Variants in SMIM7 observed in about 807,000 individuals in gnomAD.
SMIM7 encodes the protein UPF0608 protein C19orf42.
In SMIM7, 12 loss-of-function variants were observed where a neutral mutation model predicts 13.3. The observed-to-expected ratio is 0.90, with a 90% CI of 0.58 to 1.46. The LOEUF is 1.46. SMIM7 is among the 40% of genes most tolerant of loss of function. The probability of loss-of-function intolerance (pLI) is 0.00; values close to 1 mark genes in which losing one functional copy is unlikely to be tolerated. For missense variants in SMIM7, 114 were observed against 94.8 expected, an observed-to-expected ratio of 1.20 and a Z score of -0.84; for synonymous variants, 36 against 35.8, an observed-to-expected ratio of 1.01 and a Z score of -0.02.
At chr19:16,647,691 A>G (rs1331086134) in intron 4 of SMIM7, among the ~76,000 whole-genome samples, 1 of 151,980 alleles carries the variant, frequency 6.6e-6, no homozygotes, top group African/African-American at 2.4e-5. Context: ...CCTGACCTCA[A>G]GTGATCCACC....
At chr19:16,659,159 T>A (rs768669493) in intron 3 of SMIM7, 2 of 585,754 alleles carry the variant, frequency 3.4e-6, no homozygotes, top group Non-Finnish European at 6.1e-6. Context: ...GGCACACACC[T>A]GTAATCCCAG....
chr19:16,658,988 C>A (rs182119846), intron 3 of SMIM7, among the ~76,000 whole-genome samples: 1 of 152,168 alleles, frequency 6.6e-6, no homozygotes, highest in Admixed American at 6.6e-5. Context: ...CCCACTCACA[C>A]ACACGCTCAA....
At chr19:16,641,911 G>A (rs534611091), downstream of SMIM7, among the ~76,000 whole-genome samples, 17 of 152,288 alleles carry the variant, frequency 1.1e-4, no homozygotes, top group East Asian at 1.4e-3. Context: ...AAAACAAGCC[G>A]TGGGCCAGAC....
intron 3 of SMIM7, chr19:16,655,224 T>C (rs184243760): frequency 6.1e-4 from 255 of 414,942 alleles, no homozygotes; most frequent in Non-Finnish European, 9.3e-4. Flanking sequence ...AGGTGTTTCT[T>C]GGTGATGACT....
Position 16,646,848 on chromosome 19 carries a change from C to A in SMIM7, c.*398G>T, listed in dbSNP as rs112326617. On this transcript the variant is annotated 3_prime_UTR_variant, in exon 5 of 5. Transcript: ENST00000487416. The stretch of plus-strand genomic sequence containing the variant: ...TGTTAACAGGGCCCCTGGCCGGGCC[C>A]AGAGGCTGTCAGACTCAGCAAGTAA... The A allele has an allele frequency of 5.1e-5, 13 of 253,574 alleles. No individual in the cohort carries two copies. Among genetic ancestry groups the A allele is most frequent in the African/African-American group, 2.9e-4 (13 of 44,120 alleles). 15.7% of individuals were successfully genotyped at this position (253,574 alleles called of 1,614,324 possible).
intron 1 of SMIM7, 35 bp downstream of exon 1, chr19:16,660,050 G>A: frequency 6.2e-7 from 1 of 1,614,152 alleles, no homozygotes; most frequent in Non-Finnish European, 8.5e-7. Flanking sequence ...GTCCTGCCTG[G>A]CTCTCTCTTC....
chr19:16,642,043 G>A (rs1408701499), downstream of SMIM7, among the ~76,000 whole-genome samples: 2 of 152,178 alleles, frequency 1.3e-5, no homozygotes, highest in African/African-American at 4.8e-5. Flanking sequence ...AGCAAAATGG[G>A]TTCCAACATG....
At chr19:16,650,868 A>C (rs2086515806) in intron 4 of SMIM7, among the ~76,000 whole-genome samples, 1 of 152,148 alleles carries the variant, frequency 6.6e-6, no homozygotes, top group Non-Finnish European at 1.5e-5. Context: ...CCCATACTTA[A>C]GGCACTCATT....
chr19:16,659,710 G>T (rs1283257889), intron 2 of SMIM7: 2 of 652,396 alleles, frequency 3.1e-6, no homozygotes, highest in Non-Finnish European at 5.3e-6. Context: ...CTATTTCTTG[G>T]GGGATGGGGC....
chr19:16,647,905 G>A (rs999751917), intron 4 of SMIM7, among the ~76,000 whole-genome samples: 7 of 152,130 alleles, frequency 4.6e-5, no homozygotes, highest in Admixed American at 2.6e-4. Context: ...TGCAGAAACA[G>A]CTGGATTTCC....
At chr19:16,659,368 C>T (rs773123581) in intron 3 of SMIM7, 27 bp downstream of exon 3, 1 of 1,607,820 alleles carries the variant, frequency 6.2e-7, no homozygotes, top group Middle Eastern at 1.7e-4. Flanking sequence ...GTGGACCATG[C>T]AATTCCAGGA....
chr19:16,633,455 C>CAA (rs1293409891), intron 4 of SMIM7, among the ~76,000 whole-genome samples: 1 of 60,076 alleles, frequency 1.7e-5, no homozygotes, highest in Non-Finnish European at 3.1e-5. Context: ...GAATCTGTCT[C>CAA]AAAAAAAAAG....
rs1026632855 is a variant in SMIM7 at position 16,646,878 on chromosome 19, G to C, written c.*368C>G. The stretch of plus-strand genomic sequence containing the variant: ...GCTGTCAGACTCAGCAAGTAACACT[G>C]AATGTCCAAAAATACGGCTGTGTTA... On this transcript the variant is annotated 3_prime_UTR_variant, in exon 5 of 5. Coordinates refer to ENST00000487416, the MANE Select transcript of SMIM7 (RefSeq NM_024104.4). 1 of 304,120 alleles carries C rather than the reference G, an allele frequency of 3.3e-6. No homozygotes were observed. Among genetic ancestry groups the C allele is most frequent in the African/African-American group, 2.2e-5 (1 of 45,852 alleles). The allele number at this position is 304,120 out of a possible 1,614,324, so 18.8% of individuals were successfully genotyped here.
At chr19:16,642,972 C>T (rs902991366), downstream of SMIM7, among the ~76,000 whole-genome samples, 1 of 151,538 alleles carries the variant, frequency 6.6e-6, no homozygotes, top group Non-Finnish European at 1.5e-5. Flanking sequence ...TACAGGCGTG[C>T]GCCACCACAC....
chr19:16,639,331 C>T (rs1386247856), intron 4 of SMIM7, among the ~76,000 whole-genome samples: 2 of 152,016 alleles, frequency 1.3e-5, no homozygotes, highest in East Asian at 1.9e-4. Flanking sequence ...ACCGTGTTAG[C>T]CAGGATGGTC....
At chr19:16,651,277 T>C (rs2086521189) in intron 4 of SMIM7, among the ~76,000 whole-genome samples, 2 of 152,200 alleles carry the variant, frequency 1.3e-5, no homozygotes, top group South Asian at 4.1e-4. Flanking sequence ...CCATGTCATC[T>C]CTGTCACACA....
chr19:16,656,176 G>A lies in SMIM7; in HGVS notation c.122-2051C>T, dbSNP rs370280688. ...CGAGGCAGGTGGATCACCTGAGGTCGCGAGTTTGAGATCAGCCTGGCTAAC... is the reference window on the plus strand; with the variant it reads ...CGAGGCAGGTGGATCACCTGAGGTCACGAGTTTGAGATCAGCCTGGCTAAC... On this transcript the variant is annotated intron_variant, in intron 3 of 4. Coordinates refer to ENST00000487416, the MANE Select transcript of SMIM7 (RefSeq NM_024104.4). Among the ~76,000 whole-genome samples, 225 of 151,756 alleles carry A rather than the reference G, an allele frequency of 1.5e-3. 1 individual carries two copies. Among genetic ancestry groups the A allele is most frequent in the African/African-American group, 5.2e-3 (215 of 41,366 alleles).
chr19:16,638,107 A>AAC (rs1301200261), intron 4 of SMIM7, among the ~76,000 whole-genome samples: 1 of 151,560 alleles, frequency 6.6e-6, no homozygotes, highest in East Asian at 2.0e-4. Flanking sequence ...AAAAAAAAAA[A>AAC]ATTACAAAAA....
intron 4 of SMIM7, among the ~76,000 whole-genome samples, chr19:16,648,219 C>T (rs2086474827): frequency 6.6e-6 from 1 of 152,156 alleles, no homozygotes; most frequent in Non-Finnish European, 1.5e-5. Context: ...CGGCTCACTA[C>T]AACCTCTGAC....
Sources: allele counts gnomAD v4.1 joint callset (sites outside exome capture counted in the v4.1 genomes callset), GRCh38; gene constraint gnomAD v4.1.1; transcripts MANE v1.5; gene names NCBI Gene and HGNC (gene_info 2026-07-23, HGNC 2026-07-21).